ST8SIA6: variants seen among roughly 807,000 people sequenced by gnomAD.
ST8SIA6 encodes alpha-2,8-sialyltransferase 8F.
A neutral mutation model predicts 33.6 loss-of-function variants in ST8SIA6; 39 were observed. The observed-to-expected ratio is 1.16, with a 90% CI of 0.90 to 1.52. The LOEUF is 1.52. Ranked by LOEUF, ST8SIA6 falls within the 40% of genes most tolerant of loss-of-function variation. The probability of loss-of-function intolerance (pLI) is 0.00; values close to 1 mark genes in which losing one functional copy is unlikely to be tolerated. For synonymous variants in ST8SIA6, 172 were observed against 167.2 expected, an observed-to-expected ratio of 1.03 and a Z score of -0.22; for missense variants, 441 against 443.8, an observed-to-expected ratio of 0.99 and a Z score of 0.06.
intron 3 of ST8SIA6, among the ~76,000 whole-genome samples, chr10:17,366,033 C>G (rs1849548655): frequency 6.6e-6 from 1 of 152,136 alleles, no homozygotes; most frequent in Non-Finnish European, 1.5e-5. Flanking sequence ...ACAAGACTTT[C>G]AGTCAATACA....
chr10:17,405,101 A>G (rs1302498649), intron 2 of ST8SIA6, among the ~76,000 whole-genome samples: 1 of 152,362 alleles, frequency 6.6e-6, no homozygotes, highest in East Asian at 1.9e-4. Flanking sequence ...TGAACTGGTT[A>G]TAACACCTTT....
At chr10:17,408,010 G>T (rs1290645400) in intron 2 of ST8SIA6, 1 of 152,628 alleles carries the variant, frequency 6.6e-6, no homozygotes, top group Non-Finnish European at 1.5e-5. Flanking sequence ...GGAGACTTAT[G>T]TTACTGGGGA....
chr10:17,427,645 G>C (rs1473724022), intron 2 of ST8SIA6, among the ~76,000 whole-genome samples: 20 of 152,258 alleles, frequency 1.3e-4, no homozygotes, highest in Non-Finnish European at 1.2e-4. Flanking sequence ...GTGAAAACAA[G>C]AACTTGAGGA....
intron 4 of ST8SIA6, among the ~76,000 whole-genome samples, chr10:17,343,995 C>T (rs988058002): frequency 2.0e-5 from 3 of 152,122 alleles, no homozygotes; most frequent in Admixed American, 1.3e-4. Context: ...GTTGTTGTCC[C>T]CATTTTTCAG....
rs560332389 is a variant in ST8SIA6 at position 17,332,583 on chromosome 10, G to C, written c.378-1031C>G. On this transcript the variant is annotated intron_variant, in intron 4 of 7. Coordinates refer to ENST00000377602, the MANE Select transcript of ST8SIA6 (RefSeq NM_001004470.3). ...GGGTTCAGGTGATTCTCCTGCCTCA[G>C]CCTCCTGAGTAGCTGGGATTACAAG... 3.6e-3 allele frequency among the ~76,000 whole-genome samples: 552 copies of C among 152,250 alleles called. 1 individual carries two copies. Among genetic ancestry groups the C allele is most frequent in the African/African-American group, 0.013 (529 of 41,526 alleles).
At chr10:17,378,070 G>T (rs753866427) in intron 3 of ST8SIA6, among the ~76,000 whole-genome samples, 1 of 152,142 alleles carries the variant, frequency 6.6e-6, no homozygotes, top group African/African-American at 2.4e-5. Context: ...TGAAAATTGC[G>T]TGTGTTTAAT....
intron 2 of ST8SIA6, among the ~76,000 whole-genome samples, chr10:17,422,709 T>C (rs1344464099): frequency 6.6e-6 from 1 of 152,206 alleles, no homozygotes. Context: ...ATTTGTCTTC[T>C]TCTACTTTAA....
At chr10:17,366,145 T>G (rs1164806399) in intron 3 of ST8SIA6, among the ~76,000 whole-genome samples, 1 of 152,332 alleles carries the variant, frequency 6.6e-6, no homozygotes, top group Non-Finnish European at 1.5e-5. Context: ...AGTTGAGCTA[T>G]GCAGTGGCAC....
At position 17,327,069 on chromosome 10, in the gene ST8SIA6, T is replaced by C; in HGVS notation, c.580A>G (p.Ile194Val). Residue 194 changes from isoleucine to valine, a missense_variant, in exon 6 of 8, where the codon ATT (isoleucine) becomes GTT (valine). Physicochemically the swap from Ile to Val is conservative, Grantham distance 29. Coordinates refer to ENST00000377602, the MANE Select transcript of ST8SIA6 (RefSeq NM_001004470.3). ...NQCAVVGNGG[I>V]LNKSLCGTEI... ...GTTCCACAGAGAGACTTATTCAGAA[T>C]TCCCCCATTTCCGACCACTGCACAC... 1.2e-6 allele frequency: 2 copies of C among 1,610,620 alleles called. No individual in the cohort carries two copies. Among genetic ancestry groups the C allele is most frequent in the Non-Finnish European group, 1.7e-6 (2 of 1,178,598 alleles).
At position 17,318,876 on chromosome 10, in the gene ST8SIA6, T is replaced by C. The variant is rs1301692164; in HGVS notation, c.*2002A>G. The C allele has an allele frequency of 2.6e-6, 1 of 381,576 alleles. No individual in the cohort carries two copies. Among genetic ancestry groups the C allele is most frequent in the African/African-American group, 2.1e-5 (1 of 47,196 alleles). The allele number at this position is 381,576 out of a possible 1,614,324, so 23.6% of individuals were successfully genotyped here. A position where few individuals can be genotyped will look rare whatever the true frequency, so the allele number is the denominator to read the frequency against. ...AGAAAGTTCTAAGTAATGTTCTGTT[T>C]TGGAACAAAAGAACATTATTGGCAC... On this transcript the variant is annotated 3_prime_UTR_variant, in exon 8 of 8. Coordinates refer to ENST00000377602, the MANE Select transcript of ST8SIA6 (RefSeq NM_001004470.3).
chr10:17,445,718 C>T (rs960773458), intron 2 of ST8SIA6, among the ~76,000 whole-genome samples: 34 of 152,226 alleles, frequency 2.2e-4, no homozygotes, highest in African/African-American at 7.5e-4. Context: ...TCTATTGTAT[C>T]GTACTACATA....
intron 2 of ST8SIA6, among the ~76,000 whole-genome samples, chr10:17,443,471 G>A (rs1303155373): frequency 1.3e-5 from 2 of 151,998 alleles, no homozygotes; most frequent in Non-Finnish European, 2.9e-5. Context: ...AGAGAATTTC[G>A]GTGTATTTTA....
intron 3 of ST8SIA6, among the ~76,000 whole-genome samples, chr10:17,374,749 AT>A: frequency 1.7e-5 from 2 of 114,608 alleles, no homozygotes; most frequent in African/African-American, 3.4e-5. Context: ...TAAATAAATA[AT>A]AAATATATAT....
At chr10:17,429,236 T>C (rs1323878852) in intron 2 of ST8SIA6, among the ~76,000 whole-genome samples, 1 of 152,072 alleles carries the variant, frequency 6.6e-6, no homozygotes, top group Non-Finnish European at 1.5e-5. Context: ...AGGGATATAA[T>C]AGATCATCAC....
chr10:17,397,966 C>T (rs906652347), intron 2 of ST8SIA6, among the ~76,000 whole-genome samples: 1 of 152,178 alleles, frequency 6.6e-6, no homozygotes, highest in Non-Finnish European at 1.5e-5. Flanking sequence ...TTACAAGCCC[C>T]ACTGACAAGA....
chr10:17,437,004 G>A (rs11254595), intron 2 of ST8SIA6, among the ~76,000 whole-genome samples: 3,151 of 152,174 alleles, frequency 0.021, 80 homozygotes, highest in East Asian at 0.089. Flanking sequence ...TATCAGCAGC[G>A]TGAAAACTAA....
intron 2 of ST8SIA6, among the ~76,000 whole-genome samples, chr10:17,431,776 A>G (rs1219107045): frequency 6.6e-6 from 1 of 151,934 alleles, no homozygotes; most frequent in African/African-American, 2.4e-5. Context: ...ACAAATAGTC[A>G]GTTTCTACTA....
chr10:17,347,828 GGGAGGCTGAGGCAGGAGAATC>G (rs374326917), intron 4 of ST8SIA6, among the ~76,000 whole-genome samples: 4,032 of 151,838 alleles, frequency 0.027, 188 homozygotes, highest in African/African-American at 0.091. Context: ...CCAGCTACTT[GGGAGGCTGAGGCAGGAGAATC>G]GGAGGCTGAG....
At chr10:17,385,224 A>T (rs1850290151) in intron 3 of ST8SIA6, among the ~76,000 whole-genome samples, 1 of 152,080 alleles carries the variant, frequency 6.6e-6, no homozygotes, top group African/African-American at 2.4e-5. Context: ...TCCTTCGAAA[A>T]GCTCATCAGA....
Sources: allele counts gnomAD v4.1 joint callset (sites outside exome capture counted in the v4.1 genomes callset), GRCh38; gene constraint gnomAD v4.1.1; transcripts MANE v1.5; gene names NCBI Gene and HGNC (gene_info 2026-07-23, HGNC 2026-07-21).